Variants in AGPAT5 observed in about 807,000 individuals in gnomAD.
AGPAT5 encodes 1-acyl-sn-glycerol-3-phosphate acyltransferase epsilon.
In AGPAT5, 46 loss-of-function variants were observed where a neutral mutation model predicts 45.6. The ratio of observed to expected loss-of-function variants is 1.01; its 90% CI spans 0.80 to 1.29. AGPAT5 has a LOEUF of 1.29. AGPAT5 is among the 50% of genes most tolerant of loss of function. The pLI, the probability that AGPAT5 is intolerant of heterozygous loss-of-function variation, is 0.00. For synonymous variants in AGPAT5, 272 were observed against 167.0 expected (o/e 1.63, Z -4.85); for missense variants, 673 against 450.7 (o/e 1.49, Z -4.47).
chr8:6,754,027 C>T (rs962272623), intron 6 of AGPAT5, among the ~76,000 whole-genome samples: 2 of 152,162 alleles, frequency 1.3e-5, no homozygotes, highest in African/African-American at 2.4e-5. Context: ...CGTCTTTGAA[C>T]GCATTTTCAA....
chr8:6,734,588 C>T (rs1044213212), intron 4 of AGPAT5, among the ~76,000 whole-genome samples: 3 of 152,162 alleles, frequency 2.0e-5, no homozygotes, highest in African/African-American at 2.4e-5. Flanking sequence ...AACATCTGGG[C>T]CATATCTGAG....
intron 4 of AGPAT5, among the ~76,000 whole-genome samples, chr8:6,740,470 A>G (rs1213607341): frequency 6.7e-6 from 1 of 148,644 alleles, no homozygotes; most frequent in South Asian, 2.1e-4. Flanking sequence ...ATAATTATAC[A>G]TATAAATTAT....
Position 6,759,050 on chromosome 8 carries a change from G to A in AGPAT5, c.*1662G>A, listed in dbSNP as rs1801941367. On this transcript the variant is annotated 3_prime_UTR_variant, in exon 8 of 8. Transcript: ENST00000285518. ...TGAATTGGTTTGTGTACATTAGAAT[G>A]TATGCACACATCCATGGACACTCAG... The A allele has an allele frequency of 6.6e-6, 1 of 152,184 alleles. No homozygotes were observed. The highest frequency in any genetic ancestry group is 6.5e-5 in the Admixed American group (1 of 15,280). The allele number at this position is 152,184 out of a possible 1,614,324, so 9.4% of individuals were successfully genotyped here. A position where few individuals can be genotyped will look rare whatever the true frequency, so the allele number is the denominator to read the frequency against.
intron 1 of AGPAT5, among the ~76,000 whole-genome samples, chr8:6,715,902 A>C (rs1800313654): frequency 6.6e-6 from 1 of 152,210 alleles, no homozygotes; most frequent in Non-Finnish European, 1.5e-5. Flanking sequence ...GAGGTTTTCA[A>C]TTGATAACAT....
intron 1 of AGPAT5, among the ~76,000 whole-genome samples, chr8:6,711,935 A>T (rs1158280588): frequency 6.6e-6 from 1 of 152,234 alleles, no homozygotes; most frequent in African/African-American, 2.4e-5. Flanking sequence ...TCATCTCAAG[A>T]TCCTTAATTA....
At chr8:6,713,103 C>T (rs1015746886) in intron 1 of AGPAT5, among the ~76,000 whole-genome samples, 2 of 152,110 alleles carry the variant, frequency 1.3e-5, no homozygotes, top group African/African-American at 2.4e-5. Context: ...AGTGATCCTC[C>T]GGAGTAGCTG....
chr8:6,724,104 G>A (rs764677742), intron 1 of AGPAT5, among the ~76,000 whole-genome samples: 1 of 152,098 alleles, frequency 6.6e-6, no homozygotes. Flanking sequence ...GACTAATACA[G>A]GTACATCGAA....
At position 6,741,665 on chromosome 8, in the gene AGPAT5, A is replaced by G. The variant is rs1801248789; in HGVS notation, c.500A>G (p.Tyr167Cys). ...QSYVDAGTPMYLVIFPEGTRY... is the reference protein window; with the variant it reads ...QSYVDAGTPMCLVIFPEGTRY... ...AATTTGCTCTATGTCCCACAGATGT[A>G]TCTTGTGATTTTTCCAGAAGGTACA... Residue 167 changes from tyrosine to cysteine, a missense_variant, in exon 5 of 8, where the codon TAT becomes TGT. Physicochemically the swap from Tyr to Cys is radical, Grantham distance 194. Coordinates refer to ENST00000285518, the MANE Select transcript of AGPAT5 (RefSeq NM_018361.5). 1.2e-6 allele frequency: 2 copies of G among 1,603,384 alleles called. No homozygotes were observed. Among genetic ancestry groups the G allele is most frequent in the African/African-American group, 1.3e-5 (1 of 74,488 alleles).
chr8:6,714,802 C>A (rs1800267344), intron 1 of AGPAT5, among the ~76,000 whole-genome samples: 1 of 152,158 alleles, frequency 6.6e-6, no homozygotes, highest in South Asian at 2.1e-4. Context: ...TATGGGGATA[C>A]CTCTGTGCCA....
intron 1 of AGPAT5, among the ~76,000 whole-genome samples, chr8:6,720,053 G>A (rs1471343732): frequency 1.3e-5 from 2 of 152,142 alleles, no homozygotes; most frequent in African/African-American, 2.4e-5. Context: ...GAGACATTCT[G>A]GGGAACTCAT....
chr8:6,747,840 C>T lies in AGPAT5; in HGVS notation c.745+12C>T. 3 of 1,613,326 alleles carry T rather than the reference C, an allele frequency of 1.9e-6. No individual in the cohort carries two copies. The highest frequency in any genetic ancestry group is 2.2e-5 in the South Asian group (2 of 90,990). On this transcript the variant is annotated intron_variant, in intron 6 of 7. Coordinates refer to ENST00000285518, the MANE Select transcript of AGPAT5 (RefSeq NM_018361.5). The stretch of plus-strand genomic sequence containing the variant: ...ACCGACCATGACGGGTAAGTGTGTT[C>T]ACGCACCTGAAATGCCTGTACACGG...
At position 6,758,313 on chromosome 8, in the gene AGPAT5, G is replaced by C. The variant is rs919279906; in HGVS notation, c.*925G>C. The C allele has an allele frequency of 2.0e-5, 3 of 152,640 alleles. No homozygotes were observed. The highest frequency in any genetic ancestry group is 4.8e-5 in the African/African-American group (2 of 41,450). 9.5% of individuals were successfully genotyped at this position (152,640 alleles called of 1,614,324 possible). On this transcript the variant is annotated 3_prime_UTR_variant, in exon 8 of 8. Transcript: ENST00000285518. Reference sequence around the variant, plus strand: ...GCAGACATTCTGCCTAGATTTACTAGCGTGTGCCTTTTGCCTGCTTCTCTT... The same window carrying C: ...GCAGACATTCTGCCTAGATTTACTACCGTGTGCCTTTTGCCTGCTTCTCTT...
At chr8:6,730,900 CACTT>C in intron 3 of AGPAT5, 74 bp downstream of exon 3, 1 of 906,400 alleles carries the variant, frequency 1.1e-6, no homozygotes, top group South Asian at 1.8e-5. Context: ...GAGACAGTCT[CACTT>C]TATTGCTCAG....
intron 6 of AGPAT5, among the ~76,000 whole-genome samples, chr8:6,751,320 A>G (rs1490481251): frequency 6.6e-6 from 1 of 152,198 alleles, no homozygotes; most frequent in Non-Finnish European, 1.5e-5. Context: ...TGAAGTTGGT[A>G]GATTGTTGAT....
In AGPAT5 at chr8:6,755,179, G is replaced by GT; in HGVS notation, c.869+6dup. The GT allele has an allele frequency of 6.3e-7, 1 of 1,594,626 alleles. No individual in the cohort carries two copies. The highest frequency in any genetic ancestry group is 1.7e-4 in the Middle Eastern group (1 of 6,042). Reference sequence around the variant, plus strand: ...ACGTTTCGAAATCAAAGATAAGTGAGTAACAACAGTTCCAGCACTTCCGGA... The same window carrying GT: ...ACGTTTCGAAATCAAAGATAAGTGAGTTAACAACAGTTCCAGCACTTCCGGA... On this transcript the variant is annotated splice_donor_region_variant and intron_variant, in intron 7 of 7. Transcript: ENST00000285518.
rs771265063 is a variant in AGPAT5, at chr8:6,747,715, C to G, written c.632C>G (p.Thr211Ser). The G allele has an allele frequency of 3.7e-6, 6 of 1,614,068 alleles. No individual in the cohort carries two copies. In the African/African-American group the frequency reaches 5.3e-5, roughly 14 times the overall value. The change falls in exon 6 of 8, where the codon ACT (threonine) becomes AGT (serine). Residue 211 changes from threonine to serine, a missense_variant. Thr to Ser is a moderately conservative substitution (Grantham distance 58). Coordinates refer to ENST00000285518, the MANE Select transcript of AGPAT5 (RefSeq NM_018361.5). Reference sequence around the variant, plus strand: ...GTGCTAACACCACGAATAAAGGCAACTCACGTTGCTTTTGATTGCATGAAG... The same window carrying G: ...GTGCTAACACCACGAATAAAGGCAAGTCACGTTGCTTTTGATTGCATGAAG... ...KHVLTPRIKA[T>S]HVAFDCMKNY...
chr8:6,757,342 T>C lies in AGPAT5; in HGVS notation c.1049T>C (p.Ile350Thr). The change falls in exon 8 of 8, where the codon ATA (isoleucine) becomes ACA (threonine). Residue 350 changes from isoleucine (I) to threonine (T), a missense_variant. Transcript: ENST00000285518. The stretch of plus-strand genomic sequence containing the variant: ...AGGAAGCTGTATGTGAACACCTGGA[T>C]ATATGGAACCCTACTTGGCTGCCTG... ...AGRKLYVNTW[I>T]YGTLLGCLWV... The C allele has an allele frequency of 2.5e-6, 4 of 1,614,232 alleles. No individual in the cohort carries two copies. The highest frequency in any genetic ancestry group is 1.1e-5 in the South Asian group (1 of 91,088).
intron 7 of AGPAT5, among the ~76,000 whole-genome samples, chr8:6,755,740 A>G (rs1395706082): frequency 5.3e-5 from 8 of 152,160 alleles, no homozygotes; most frequent in Non-Finnish European, 1.2e-4. Context: ...AGAAACTATC[A>G]TTGTTCTTCT....
At chr8:6,714,836 C>A (rs1800268331) in intron 1 of AGPAT5, among the ~76,000 whole-genome samples, 1 of 152,240 alleles carries the variant, frequency 6.6e-6, no homozygotes, top group African/African-American at 2.4e-5. Flanking sequence ...CACGGGAAAA[C>A]AGCACTCCGT....
Sources: gnomAD v4.1 joint callset for allele counts (sites outside exome capture counted in the v4.1 genomes callset) on GRCh38, gnomAD v4.1.1 for gene constraint, MANE v1.5 for transcripts, NCBI Gene and HGNC (gene_info 2026-07-23, HGNC 2026-07-21) for gene names.